The following TMEM240 variants were observed in gnomAD, a reference collection of about 807,000 sequenced individuals.
The protein encoded by TMEM240 is transmembrane protein 240.
Under a neutral mutation model 19.5 loss-of-function variants are expected in TMEM240, and 3 were observed. The ratio of observed to expected loss-of-function variants is 0.15; its 90% CI spans 0.07 to 0.40. TMEM240 has a LOEUF of 0.40. Ranked by LOEUF, TMEM240 falls within the 10% of genes least tolerant of loss-of-function variation. The pLI is 1.00. For missense variants in TMEM240, 210 were observed against 253.5 expected, an observed-to-expected ratio of 0.83 and a Z score of 1.17; for synonymous variants, 123 against 109.3, an observed-to-expected ratio of 1.13 and a Z score of -0.78.
chr1:1,537,668 A>T (rs1384986920), intron 2 of TMEM240, among the ~76,000 whole-genome samples: 1 of 152,118 alleles, frequency 6.6e-6, no homozygotes, highest in African/African-American at 2.4e-5. Context: ...TGCACCACAC[A>T]CACCAGGTGT....
At chr1:1,537,805 T>G (rs58363239) in intron 2 of TMEM240, among the ~76,000 whole-genome samples, 13,029 of 152,158 alleles carry the variant, frequency 0.086, 1,792 homozygotes, top group African/African-American at 0.29. Context: ...GTCACGCGAG[T>G]GCATGTTCGC....
chr1:1,535,271 G>T lies in TMEM240; in HGVS notation c.*88C>A. The T allele has an allele frequency of 6.8e-7, 1 of 1,461,770 alleles. No homozygotes were observed. The highest frequency in any genetic ancestry group is 1.3e-5 in the South Asian group (1 of 74,128). The allele number at this position is 1,461,770 out of a possible 1,614,324, so 90.5% of individuals were successfully genotyped here. ...AACCTGGGCCCAGGGCTGCTGTCCA[G>T]TCCCGCCGGCCCGGGCGTCCACGAG... On this transcript the variant is annotated 3_prime_UTR_variant, in exon 4 of 4. Transcript: ENST00000378733. This position sits in a 1 kb window ranked among gnomAD's most constrained non-coding sequence, Gnocchi z 8.2.
In TMEM240 at chr1:1,535,727, C is replaced by T; in HGVS notation, c.235G>A (p.Val79Met). ...SVVDASENYF[V>M]TDSVTKQEID... Reference sequence around the variant, plus strand: ...TCCTGCTTGGTCACACTGTCCGTCACAAAGTAGTTCTCGGAGGCGTCCACC... The same window carrying T: ...TCCTGCTTGGTCACACTGTCCGTCATAAAGTAGTTCTCGGAGGCGTCCACC... The change falls in exon 3 of 4, where the codon GTG becomes ATG. Residue 79 changes from valine (V) to methionine (M), a missense_variant. By Grantham distance (21) the Val-to-Met change is conservative. Transcript: ENST00000378733. This position sits in a 1 kb window ranked among gnomAD's most constrained non-coding sequence, Gnocchi z 8.2. 1 of 1,550,482 alleles carries T rather than the reference C, an allele frequency of 6.4e-7. No individual in the cohort carries two copies. Among genetic ancestry groups the T allele is most frequent in the Non-Finnish European group, 8.7e-7 (1 of 1,146,728 alleles).
intron 2 of TMEM240, among the ~76,000 whole-genome samples, chr1:1,537,727 A>G (rs1043039104): frequency 6.6e-6 from 1 of 152,178 alleles, no homozygotes; most frequent in Non-Finnish European, 1.5e-5. Context: ...AGCCACATGC[A>G]CGGGACATGG....
rs1248721632 is a variant in TMEM240 at position 1,535,763 on chromosome 1, C to T, written c.199G>A (p.Asp67Asn). Reference sequence around the variant, plus strand: ...TCGGAGGCGTCCACCACCGACTGGTCCCCGTCGTACGGGATCACGTAGTGG... The same window carrying T: ...TCGGAGGCGTCCACCACCGACTGGTTCCCGTCGTACGGGATCACGTAGTGG... ...HIHYVIPYDG[D>N]QSVVDASENY... Residue 67 changes from aspartate (D) to asparagine (N), a missense_variant, in exon 3 of 4, where the codon GAC (aspartate) becomes AAC (asparagine). Physicochemically the swap from Asp to Asn is conservative, Grantham distance 23. Around this residue, in one of 3 missense-constraint regions of TMEM240, gnomAD observed 157 missense variants for 168.2 expected, o/e 0.93. Transcript: ENST00000378733. This position sits in a 1 kb window ranked among gnomAD's most constrained non-coding sequence, Gnocchi z 8.2. 2 of 1,550,198 alleles carry T rather than the reference C, an allele frequency of 1.3e-6. No homozygotes were observed. The highest frequency in any genetic ancestry group is 8.7e-7 in the Non-Finnish European group (1 of 1,146,634).
Position 1,535,474 on chromosome 1 carries a change from C to G in TMEM240, c.407G>C (p.Ser136Thr). The part of the protein sequence containing the change: ...GSWTWLPKLC[S>T]LRELGRRPHR... Reference sequence around the variant, plus strand: ...CGGCCGCCGGCCCAGCTCCCGCAGGCTGCACAGCTTGGGCAGCCAGGTCCA... The same window carrying G: ...CGGCCGCCGGCCCAGCTCCCGCAGGGTGCACAGCTTGGGCAGCCAGGTCCA... Residue 136 changes from serine (S) to threonine (T), a missense_variant, in exon 4 of 4, where the codon AGC becomes ACC. Coordinates refer to ENST00000378733, the MANE Select transcript of TMEM240 (RefSeq NM_001114748.2). The surrounding 1 kb of genome is among the most constrained non-coding windows in gnomAD (Gnocchi z 8.2). 1 of 1,548,642 alleles carries G rather than the reference C, an allele frequency of 6.5e-7. No individual in the cohort carries two copies. Among genetic ancestry groups the G allele is most frequent in the South Asian group, 1.2e-5 (1 of 83,938 alleles).
At chr1:1,539,460 T>C (rs530521798) in intron 2 of TMEM240, 4 of 565,380 alleles carry the variant, frequency 7.1e-6, no homozygotes, top group Non-Finnish European at 1.3e-5. Context: ...CCGTGACCCA[T>C]TCCGCCATCA....
chr1:1,535,691 T>G lies in TMEM240; in HGVS notation c.271A>C (p.Met91Leu). ...CAAAAGCCCAGCAGCAGCCCCAGCA[T>G]GAGGTCGATCTCCTGCTTGGTCACA... ...DSVTKQEIDLMLGLLLGFCIS... is the reference protein window; with the variant it reads ...DSVTKQEIDLLLGLLLGFCIS... The change falls in exon 3 of 4, where the codon ATG becomes CTG. Residue 91 changes from methionine to leucine, a missense_variant. By Grantham distance (15) the Met-to-Leu change is conservative (BLOSUM62 2). Around this residue, in one of 3 missense-constraint regions of TMEM240, gnomAD observed 157 missense variants for 168.2 expected, o/e 0.93. Transcript: ENST00000378733. This position sits in a 1 kb window ranked among gnomAD's most constrained non-coding sequence, Gnocchi z 8.2. The G allele has an allele frequency of 6.5e-7, 1 of 1,550,162 alleles. No homozygotes were observed. Among genetic ancestry groups the G allele is most frequent in the Non-Finnish European group, 8.7e-7 (1 of 1,146,654 alleles).
chr1:1,539,626 G>T, intron 2 of TMEM240, 58 bp downstream of exon 2: 1 of 1,463,412 alleles, frequency 6.8e-7, no homozygotes, highest in Non-Finnish European at 9.3e-7. Flanking sequence ...CGCCCCGAGT[G>T]GGCCCCGCCA....
At position 1,535,240 on chromosome 1, in the gene TMEM240, C is replaced by A. The variant is rs1211905564; in HGVS notation, c.*119G>T. ...TGGACTCTCCCGGCCGGCCACAGCC[C>A]CGGACAACCTGGGCCCAGGGCTGCT... On this transcript the variant is annotated 3_prime_UTR_variant, in exon 4 of 4. Transcript: ENST00000378733. This position sits in a 1 kb window ranked among gnomAD's most constrained non-coding sequence, Gnocchi z 8.2. 1.6e-6 allele frequency: 2 copies of A among 1,242,114 alleles called. No individual in the cohort carries two copies. Among genetic ancestry groups the A allele is most frequent in the African/African-American group, 3.1e-5 (2 of 63,764 alleles). 76.9% of individuals were successfully genotyped at this position (1,242,114 alleles called of 1,614,324 possible).
rs769114802 is a variant in TMEM240, at chr1:1,535,674, C to T, written c.288G>A (p.Leu96=). ...CCAGGAACCAGCTGATGCAAAAGCC[C>T]AGCAGCAGCCCCAGCATGAGGTCGA... is the stretch of plus-strand genomic sequence containing the variant. ...QEIDLMLGLL[L]GFCISWFLVW... Residue 96 remains leucine, a synonymous_variant, in exon 3 of 4, where the codon CTG becomes CTA. Transcript: ENST00000378733. This position sits in a 1 kb window ranked among gnomAD's most constrained non-coding sequence, Gnocchi z 8.2. 1,230 of 1,550,194 alleles carry T rather than the reference C, an allele frequency of 7.9e-4. 2 individuals carry two copies. Among genetic ancestry groups the T allele is most frequent in the Non-Finnish European group, 9.9e-4 (1,135 of 1,146,736 alleles).
In TMEM240 at chr1:1,535,898, C is replaced by T; in HGVS notation, c.165-101G>A. 1.1e-6 allele frequency: 1 copy of T among 877,710 alleles called. No individual in the cohort carries two copies. The highest frequency in any genetic ancestry group is 1.8e-6 in the Non-Finnish European group (1 of 552,128). 54.4% of individuals were successfully genotyped at this position (877,710 alleles called of 1,614,324 possible). ...GTGGGGGTGTGACCGCGTCAGGCCG[C>T]CCTGGGGGTTCTCTGAAGCAGCCTC... On this transcript the variant is annotated intron_variant, in intron 2 of 3. Coordinates refer to ENST00000378733, the MANE Select transcript of TMEM240 (RefSeq NM_001114748.2). The surrounding 1 kb of genome is among the most constrained non-coding windows in gnomAD (Gnocchi z 8.2).
rs1400704177 is a variant in TMEM240, at chr1:1,535,058, C to G, written c.*301G>C. On this transcript the variant is annotated 3_prime_UTR_variant, in exon 4 of 4. Transcript: ENST00000378733. The surrounding 1 kb of genome is among the most constrained non-coding windows in gnomAD (Gnocchi z 8.2). ...CTGCCCCCACCTGCCCCCCAGGACC[C>G]TCCCTGCCCCCCAGGACCCTCCCTG... The G allele has an allele frequency of 5.4e-5, 11 of 204,024 alleles. No homozygotes were observed. Among genetic ancestry groups the G allele is most frequent in the Non-Finnish European group, 9.5e-5 (10 of 105,254 alleles). 12.6% of individuals were successfully genotyped at this position (204,024 alleles called of 1,614,324 possible).
In TMEM240 at chr1:1,535,551, G is replaced by T; in HGVS notation, c.373+38C>A. On this transcript the variant is annotated intron_variant, in intron 3 of 3. Transcript: ENST00000378733. This position sits in a 1 kb window ranked among gnomAD's most constrained non-coding sequence, Gnocchi z 8.2. The stretch of plus-strand genomic sequence containing the variant: ...GGTCAGGCGGCTGGGGCCGGCCAGG[G>T]CGGCAGCACTCCCGGGCGGCGGGCA... 6.5e-7 allele frequency: 1 copy of T among 1,542,970 alleles called. No homozygotes were observed. The highest frequency in any genetic ancestry group is 8.8e-7 in the Non-Finnish European group (1 of 1,142,670).
rs977896123 is a variant in TMEM240 at position 1,535,586 on chromosome 1, C to A, written c.373+3G>T. The A allele has an allele frequency of 5.8e-6, 9 of 1,547,712 alleles. No individual in the cohort carries two copies. Among genetic ancestry groups the A allele is most frequent in the Admixed American group, 2.0e-5 (1 of 50,878 alleles). Reference sequence around the variant, plus strand: ...TCCCGGGCGGCGGGCACGAGGCACTCACCGTAGCGCCGTCCGGCTCTCCAG... The same window carrying A: ...TCCCGGGCGGCGGGCACGAGGCACTAACCGTAGCGCCGTCCGGCTCTCCAG... On this transcript the variant is annotated splice_donor_region_variant and intron_variant, in intron 3 of 3. Coordinates refer to ENST00000378733, the MANE Select transcript of TMEM240 (RefSeq NM_001114748.2). The surrounding 1 kb of genome is among the most constrained non-coding windows in gnomAD (Gnocchi z 8.2).
chr1:1,537,033 C>A (rs1411344957), intron 2 of TMEM240, among the ~76,000 whole-genome samples: 2 of 152,034 alleles, frequency 1.3e-5, no homozygotes, highest in African/African-American at 4.8e-5. Context: ...CCCAGCCTGT[C>A]CGTCCAACCC....
At chr1:1,537,187 C>T (rs1642235576) in intron 2 of TMEM240, among the ~76,000 whole-genome samples, 1 of 152,060 alleles carries the variant, frequency 6.6e-6, no homozygotes, top group Non-Finnish European at 1.5e-5. Context: ...CCCTTGAAGC[C>T]CTCCTGCTCT....
chr1:1,540,149 G>A (rs1642280445), intron 1 of TMEM240, 141 bp downstream of exon 1: 1 of 321,088 alleles, frequency 3.1e-6, no homozygotes. Flanking sequence ...GGCCGGGGAG[G>A]GGAGCGCAGG....
At position 1,540,463 on chromosome 1, in the gene TMEM240, G is replaced by T; in HGVS notation, c.-117C>A. The T allele has an allele frequency of 4.2e-6, 1 of 237,638 alleles. No homozygotes were observed. The highest frequency in any genetic ancestry group is 6.8e-6 in the Non-Finnish European group (1 of 146,376). 14.7% of individuals were successfully genotyped at this position (237,638 alleles called of 1,614,324 possible). On this transcript the variant is annotated 5_prime_UTR_variant, in exon 1 of 4. Transcript: ENST00000378733. Reference sequence around the variant, plus strand: ...AGGTCAGCGCTTCCCTGGATCGTCCGCCGCCGCTCGCTGCAACCCCGGCAC... The same window carrying T: ...AGGTCAGCGCTTCCCTGGATCGTCCTCCGCCGCTCGCTGCAACCCCGGCAC...
Sources: allele counts gnomAD v4.1 joint callset (sites outside exome capture counted in the v4.1 genomes callset), GRCh38; gene constraint gnomAD v4.1.1; regional missense constraint gnomAD v4.1.1; non-coding constraint Gnocchi (gnomAD v3.1); transcripts MANE v1.5; gene names NCBI Gene and HGNC (gene_info 2026-07-23, HGNC 2026-07-21).